TRAPPC9: variants seen among roughly 807,000 people sequenced by gnomAD.
TRAPPC9 encodes the protein IKK2 binding protein.
A neutral mutation model predicts 124.0 loss-of-function variants in TRAPPC9; 83 were observed. The ratio of observed to expected loss-of-function variants is 0.67; its 90% CI spans 0.56 to 0.80. The LOEUF is 0.80. Ranked by LOEUF, TRAPPC9 falls within the 30% of genes least tolerant of loss-of-function variation. The pLI, the probability that TRAPPC9 is intolerant of heterozygous loss-of-function variation, is 0.00. For synonymous variants in TRAPPC9, 638 were observed against 617.5 expected (o/e 1.03, Z -0.49); for missense variants, 1,302 against 1,508.3 (o/e 0.86, Z 2.27).
At chr8:139,911,141 T>C (rs1365584559) in intron 19 of TRAPPC9, 2 of 151,870 alleles carry the variant, frequency 1.3e-5, no homozygotes, top group East Asian at 3.9e-4. Context: ...AATTGAATCA[T>C]GGGGGTGGCT....
At chr8:139,803,218 A>C (rs2130692414) in intron 21 of TRAPPC9, among the ~76,000 whole-genome samples, 1 of 152,174 alleles carries the variant, frequency 6.6e-6, no homozygotes, top group East Asian at 1.9e-4. Context: ...GTGTATGTGA[A>C]GGTGTATGTC....
chr8:140,218,821 G>A lies in TRAPPC9; in HGVS notation c.2556+2638C>T, dbSNP rs574622869. Among the ~76,000 whole-genome samples, 12 of 152,236 alleles carry A rather than the reference G, an allele frequency of 7.9e-5. No individual in the cohort carries two copies. The South Asian group carries it at 2.3e-3, about 29-fold the overall frequency. On this transcript the variant is annotated intron_variant, in intron 17 of 22. Transcript: ENST00000438773. ...CTAAAAATATAAAAATTAGCCGGGT[G>A]TGGTGGCGCACGCCTGTAATTCCAG...
chr8:140,211,263 A>T (rs547664799), intron 17 of TRAPPC9, among the ~76,000 whole-genome samples: 201 of 152,266 alleles, frequency 1.3e-3, no homozygotes, highest in South Asian at 4.3e-3. Flanking sequence ...TATTTTTTTT[A>T]AAATTAGCTG....
At chr8:140,051,423 A>C (rs1841994186) in intron 17 of TRAPPC9, among the ~76,000 whole-genome samples, 1 of 152,306 alleles carries the variant, frequency 6.6e-6, no homozygotes, top group African/African-American at 2.4e-5. Flanking sequence ...CTTAATCGCC[A>C]CAGGTTTCTC....
intron 5 of TRAPPC9, among the ~76,000 whole-genome samples, chr8:140,424,596 A>T (rs1323361448): frequency 6.6e-6 from 1 of 151,076 alleles, no homozygotes; most frequent in Admixed American, 6.6e-5. Context: ...GCCTGTGAAT[A>T]GCCACTGCAC....
At chr8:140,118,042 A>G (rs2060922378) in intron 17 of TRAPPC9, among the ~76,000 whole-genome samples, 1 of 152,260 alleles carries the variant, frequency 6.6e-6, no homozygotes, top group South Asian at 2.1e-4. Context: ...GAGCTTACAA[A>G]GTCCATACAA....
intron 20 of TRAPPC9, among the ~76,000 whole-genome samples, chr8:139,894,588 T>C (rs1830551520): frequency 6.6e-6 from 1 of 152,088 alleles, no homozygotes; most frequent in Admixed American, 6.5e-5. Context: ...TCTCTTTCCC[T>C]TGCAGCCCCC....
At chr8:139,939,956 G>A (rs553737392) in intron 19 of TRAPPC9, among the ~76,000 whole-genome samples, 4 of 152,340 alleles carry the variant, frequency 2.6e-5, no homozygotes, top group Non-Finnish European at 5.9e-5. Flanking sequence ...CTGATCTCTC[G>A]AGAGAACCAG....
intron 17 of TRAPPC9, among the ~76,000 whole-genome samples, chr8:140,052,835 T>C (rs1465602724): frequency 6.6e-6 from 1 of 150,816 alleles, no homozygotes; most frequent in Non-Finnish European, 1.5e-5. Flanking sequence ...TGGTCCCAGC[T>C]ACCGGAGAGG....
chr8:140,437,039 C>A (rs781471780), intron 3 of TRAPPC9, among the ~76,000 whole-genome samples: 15 of 152,270 alleles, frequency 9.9e-5, no homozygotes, highest in Middle Eastern at 3.4e-3. Flanking sequence ...TCGTGGCTCA[C>A]TGCAGCCTTG....
chr8:139,843,840 C>A lies in TRAPPC9; in HGVS notation c.3055+42039G>T, dbSNP rs79986338. Among the ~76,000 whole-genome samples, 42 of 152,388 alleles carry A rather than the reference C, an allele frequency of 2.8e-4. 1 individual carries two copies. In the East Asian group the frequency reaches 5.6e-3, roughly 20 times the overall value. On this transcript the variant is annotated intron_variant, in intron 21 of 22. Transcript: ENST00000438773. ...CTTCTGACTCTGCCCTCTGGCACTG[C>A]ATGAGAATAAATCTGTGTTGCTTTA... is the stretch of plus-strand genomic sequence containing the variant.
intron 17 of TRAPPC9, among the ~76,000 whole-genome samples, chr8:140,200,619 G>T (rs2062765518): frequency 6.6e-6 from 1 of 151,926 alleles, no homozygotes; most frequent in Non-Finnish European, 1.5e-5. Context: ...AAAATGAGGC[G>T]CAATCTACAA....
At chr8:140,045,376 A>T (rs1841519282) in intron 17 of TRAPPC9, among the ~76,000 whole-genome samples, 1 of 152,176 alleles carries the variant, frequency 6.6e-6, no homozygotes, top group African/African-American at 2.4e-5. Context: ...CTGTAATCCC[A>T]GCACTTTGGG....
intron 21 of TRAPPC9, among the ~76,000 whole-genome samples, chr8:139,836,027 G>C (rs1485081418): frequency 6.7e-6 from 1 of 148,550 alleles, no homozygotes; most frequent in African/African-American, 2.6e-5. Flanking sequence ...TATTTTTTTT[G>C]AGACAGAGTC....
chr8:139,801,514 C>A (rs548758229), intron 21 of TRAPPC9, among the ~76,000 whole-genome samples: 1 of 152,224 alleles, frequency 6.6e-6, no homozygotes, highest in Non-Finnish European at 1.5e-5. Flanking sequence ...GCCCCGCCCC[C>A]CTTCCCTTGG....
intron 17 of TRAPPC9, among the ~76,000 whole-genome samples, chr8:140,067,237 G>A (rs984858748): frequency 2.0e-5 from 3 of 152,212 alleles, no homozygotes; most frequent in East Asian, 3.9e-4. Flanking sequence ...TCCGCCTCCC[G>A]GGTTCAAGTG....
intron 19 of TRAPPC9, among the ~76,000 whole-genome samples, chr8:139,924,604 G>A (rs888759943): frequency 1.3e-5 from 2 of 152,136 alleles, no homozygotes; most frequent in East Asian, 1.9e-4. Flanking sequence ...CCTAGGAATC[G>A]ACTGGTTCTT....
chr8:140,170,576 C>A (rs2061947964), intron 17 of TRAPPC9, among the ~76,000 whole-genome samples: 1 of 152,130 alleles, frequency 6.6e-6, no homozygotes. Flanking sequence ...TATAGACATC[C>A]CACTCTGGTC....
chr8:140,426,736 G>C, intron 4 of TRAPPC9, 95 bp from the exon 5 acceptor site: 3 of 1,238,964 alleles, frequency 2.4e-6, no homozygotes, highest in Non-Finnish European at 3.5e-6. Context: ...ACATAGCCTA[G>C]AGAAAAATCT....
Sources: gnomAD v4.1 joint callset for allele counts (sites outside exome capture counted in the v4.1 genomes callset) on GRCh38, gnomAD v4.1.1 for gene constraint, MANE v1.5 for transcripts, NCBI Gene and HGNC (gene_info 2026-07-23, HGNC 2026-07-21) for gene names.